UHRF1: variants seen among roughly 807,000 people sequenced by gnomAD.
UHRF1 encodes E3 ubiquitin-protein ligase UHRF1.
UHRF1 carries 9 observed loss-of-function variants against 96.5 expected under a neutral mutation model. The ratio of observed to expected loss-of-function variants is 0.09; its 90% CI spans 0.06 to 0.16. The LOEUF (loss-of-function observed/expected upper bound fraction) is 0.16. UHRF1 is among the 10% of genes least tolerant of loss of function. UHRF1 has a pLI of 1.00. For synonymous variants in UHRF1, 455 were observed against 469.9 expected (o/e 0.97, Z 0.41); for missense variants, 626 against 1,131.1 (o/e 0.55, Z 6.40).
chr19:4,953,945 C>T (rs2145211478), intron 13 of UHRF1, among the ~76,000 whole-genome samples: 1 of 151,896 alleles, frequency 6.6e-6, no homozygotes, highest in African/African-American at 2.4e-5. Context: ...ACTCGGGAGG[C>T]TGAGGCAGGA....
intron 5 of UHRF1, among the ~76,000 whole-genome samples, chr19:4,938,404 T>C (rs2033278560): frequency 6.6e-6 from 1 of 152,158 alleles, no homozygotes; most frequent in Non-Finnish European, 1.5e-5. Context: ...GTTTTATTCT[T>C]GGTGTTGGTA....
At chr19:4,920,957 C>G (rs992273816) in intron 2 of UHRF1, among the ~76,000 whole-genome samples, 8 of 151,580 alleles carry the variant, frequency 5.3e-5, no homozygotes, top group Admixed American at 4.0e-4. Flanking sequence ...AACCCTGTCT[C>G]TACTAAAAAT....
chr19:4,934,196 GTA>G (rs17886041), intron 5 of UHRF1, among the ~76,000 whole-genome samples: 7 of 148,954 alleles, frequency 4.7e-5, no homozygotes, highest in Non-Finnish European at 7.5e-5. Context: ...GCTAATTTTT[GTA>G]TATATATATA....
chr19:4,943,498 C>CA (rs1477368568), intron 7 of UHRF1, among the ~76,000 whole-genome samples: 1 of 139,504 alleles, frequency 7.2e-6, no homozygotes, highest in Non-Finnish European at 1.5e-5. Context: ...TTGCCCTGCC[C>CA]CCCCTCCCCA....
At position 4,925,679 on chromosome 19, in the gene UHRF1, G is replaced by A. The variant is rs569559554; in HGVS notation, c.154-3543G>A. On this transcript the variant is annotated intron_variant, in intron 2 of 16. Coordinates refer to ENST00000650932, the MANE Select transcript of UHRF1 (RefSeq NM_001048201.3). ...TAGGATTACAGGCACCCGCCACCAC[G>A]CCCAGTTAAGTTTTGTATCTTTAGT... 7.1e-4 allele frequency among the ~76,000 whole-genome samples: 108 copies of A among 152,020 alleles called. 1 individual carries two copies. In the South Asian group the frequency reaches 0.013, roughly 18 times the overall value.
intron 2 of UHRF1, among the ~76,000 whole-genome samples, chr19:4,915,539 C>T (rs913850909): frequency 3.3e-5 from 5 of 152,084 alleles, no homozygotes; most frequent in African/African-American, 4.8e-5. Context: ...ATGGTGAAAC[C>T]CCGTCTCTAC....
At chr19:4,928,101 C>T (rs1292154477) in intron 2 of UHRF1, among the ~76,000 whole-genome samples, 1 of 152,096 alleles carries the variant, frequency 6.6e-6, no homozygotes, top group Non-Finnish European at 1.5e-5. Flanking sequence ...AGGGTGACTT[C>T]ACACCCCCCC....
chr19:4,915,789 A>G (rs2032476453), intron 2 of UHRF1, among the ~76,000 whole-genome samples: 1 of 152,238 alleles, frequency 6.6e-6, no homozygotes, highest in South Asian at 2.1e-4. Context: ...TAGTTGGTCA[A>G]TTAGATTGCA....
intron 2 of UHRF1, among the ~76,000 whole-genome samples, chr19:4,912,369 CA>C (rs1040285104): frequency 6.6e-6 from 1 of 152,198 alleles, no homozygotes; most frequent in Non-Finnish European, 1.5e-5. Context: ...CTTCATTTCA[CA>C]AAGAGTTTCT....
chr19:4,933,957 T>TTGTGTGTG (rs753933265), intron 5 of UHRF1, among the ~76,000 whole-genome samples: 2,723 of 97,736 alleles, frequency 0.028, 84 homozygotes, highest in African/African-American at 0.08. Flanking sequence ...CCTTGCCTCT[T>TTGTGTGTG]TGTGTGTGTG....
At chr19:4,910,766 G>A (rs964215563) in intron 1 of UHRF1, 110 bp from the exon 2 acceptor site, 4 of 1,348,320 alleles carry the variant, frequency 3.0e-6, no homozygotes, top group South Asian at 1.7e-5. Flanking sequence ...CATCCTGGGA[G>A]TTTCCTGGTG....
At chr19:4,935,397 A>C (rs370278116) in intron 5 of UHRF1, among the ~76,000 whole-genome samples, 1 of 152,206 alleles carries the variant, frequency 6.6e-6, no homozygotes, top group African/African-American at 2.4e-5. Context: ...CTGTGAGTCC[A>C]TTAAACCTCT....
At chr19:4,947,383 G>A (rs906053293) in intron 11 of UHRF1, among the ~76,000 whole-genome samples, 172 bp downstream of exon 11, 1 of 151,628 alleles carries the variant, frequency 6.6e-6, no homozygotes, top group South Asian at 2.1e-4. Flanking sequence ...GATTACAGGC[G>A]TGAGCCACTG....
At chr19:4,950,810 C>T (rs200879570) in intron 12 of UHRF1, 37 bp downstream of exon 12, 103 of 1,613,826 alleles carry the variant, frequency 6.4e-5, no homozygotes, top group Admixed American at 2.2e-4. Flanking sequence ...GCTCTGTCCC[C>T]GCCGGGGCTG....
intron 2 of UHRF1, among the ~76,000 whole-genome samples, chr19:4,915,719 G>C (rs2032472683): frequency 6.6e-6 from 1 of 151,334 alleles, no homozygotes; most frequent in Non-Finnish European, 1.5e-5. Flanking sequence ...CAAAAAAAAA[G>C]CAAAACAAAA....
At position 4,954,877 on chromosome 19, in the gene UHRF1, TG is replaced by T. The variant is rs2033816052; in HGVS notation, c.2130+56del. ...GATTTGCGTTGACTGCGGTAAAATGTGTGGGGCTTGTTTCCCATGTTCCCCA... is the reference window on the plus strand; with the variant it reads ...GATTTGCGTTGACTGCGGTAAAATGTTGGGGCTTGTTTCCCATGTTCCCCA... On this transcript the variant is annotated intron_variant, in intron 15 of 16. Coordinates refer to ENST00000650932, the MANE Select transcript of UHRF1 (RefSeq NM_001048201.3). This position sits in a 1 kb window ranked among gnomAD's most constrained non-coding sequence, Gnocchi z 5.9. 3.1e-6 allele frequency: 5 copies of T among 1,592,492 alleles called. No individual in the cohort carries two copies. Among genetic ancestry groups the T allele is most frequent in the Non-Finnish European group, 4.3e-6 (5 of 1,166,858 alleles).
At chr19:4,956,659 G>T in intron 15 of UHRF1, 50 bp from the exon 16 acceptor site, 1 of 1,200,310 alleles carries the variant, frequency 8.3e-7, no homozygotes. Flanking sequence ...CTGATCTGTG[G>T]GAGCCCTGGT....
intron 13 of UHRF1, among the ~76,000 whole-genome samples, chr19:4,953,833 G>C (rs1235305915): frequency 1.3e-5 from 2 of 152,084 alleles, no homozygotes; most frequent in African/African-American, 4.8e-5. Flanking sequence ...ATCACTTGAG[G>C]TCAGGAGTTC....
At chr19:4,932,589 T>C in intron 4 of UHRF1, 152 bp from the exon 5 acceptor site, 1 of 762,884 alleles carries the variant, frequency 1.3e-6, no homozygotes, top group Non-Finnish European at 2.1e-6. Flanking sequence ...TGTGCCTTAA[T>C]ATACCTGTGT....
Sources: gnomAD v4.1 joint callset for allele counts (sites outside exome capture counted in the v4.1 genomes callset) on GRCh38, gnomAD v4.1.1 for gene constraint, Gnocchi (gnomAD v3.1) non-coding constraint, MANE v1.5 for transcripts, NCBI Gene and HGNC (gene_info 2026-07-23, HGNC 2026-07-21) for gene names.